Variants in ASB6 observed in about 807,000 individuals in gnomAD.
The protein encoded by ASB6 is ankyrin repeat and SOCS box containing 6.
A neutral mutation model predicts 28.6 loss-of-function variants in ASB6; 24 were observed. The ratio of observed to expected loss-of-function variants is 0.84; its 90% confidence interval spans 0.61 to 1.18. The LOEUF (loss-of-function observed/expected upper bound fraction) is 1.18, where lower values mean the gene tolerates loss of function less well. Ranked by LOEUF, ASB6 falls within the 50% of genes most tolerant of loss-of-function variation. The pLI is 0.00. For synonymous variants in ASB6, 267 were observed against 243.4 expected, an observed-to-expected ratio of 1.10 and a Z score of -0.90; for missense variants, 519 against 559.8, an observed-to-expected ratio of 0.93 and a Z score of 0.74.
In ASB6 at chr9:129,635,941, C is replaced by T. The variant is rs139412944; in HGVS notation, c.*1849G>A. 56 of 162,880 alleles carry T rather than the reference C, an allele frequency of 3.4e-4. 2 individuals are homozygous for T. In the East Asian group the frequency reaches 9.5e-3, roughly 28 times the overall value. 10.1% of individuals were successfully genotyped at this position (162,880 alleles called of 1,614,324 possible). A position where few individuals can be genotyped will look rare whatever the true frequency, so the allele number is the denominator to read the frequency against. ...AGCCCATGGGTGCTGCCTGATGGTG[C>T]TGTGGGGTGGGTGCTCATGTGCCAA... On this transcript the variant is annotated 3_prime_UTR_variant, in exon 6 of 6. Coordinates refer to ENST00000277458, the MANE Select transcript of ASB6 (RefSeq NM_017873.4).
At position 129,639,265 on chromosome 9, in the gene ASB6, G is replaced by C; in HGVS notation, c.448C>G (p.Arg150Gly). The C allele has an allele frequency of 3.1e-6, 5 of 1,612,628 alleles. No individual in the cohort carries two copies. Among genetic ancestry groups the C allele is most frequent in the Non-Finnish European group, 4.2e-6 (5 of 1,179,584 alleles). The change falls in exon 4 of 6, where the codon CGC becomes GGC. Residue 150 changes from arginine to glycine, a missense_variant. Arg to Gly is a moderately radical substitution (Grantham distance 125, BLOSUM62 -2). Coordinates refer to ENST00000277458, the MANE Select transcript of ASB6 (RefSeq NM_017873.4). ...AGGAGGCGCTGCAGGCAGGGCAGGC[G>C]CTCAGGCTCCTCGCTGGCCAGGTCC... is the stretch of plus-strand genomic sequence containing the variant. ...PLDLASEEPE[R>G]LPCLQRLLDL...
rs1588147105 is a variant in ASB6, at chr9:129,635,634, C to G, written c.*2156G>C. 1.2e-6 allele frequency: 1 copy of G among 832,654 alleles called. No homozygotes were observed. The highest frequency in any genetic ancestry group is 1.7e-5 in the South Asian group (1 of 58,690). The allele number at this position is 832,654 out of a possible 1,614,324, so 51.6% of individuals were successfully genotyped here. On this transcript the variant is annotated 3_prime_UTR_variant, in exon 6 of 6. Coordinates refer to ENST00000277458, the MANE Select transcript of ASB6 (RefSeq NM_017873.4). ...CTCTTCTTCAAAAGGCAAGGTGGGACCCGGCGGGGAGGGTGCTGCTGAACC... is the reference window on the plus strand; with the variant it reads ...CTCTTCTTCAAAAGGCAAGGTGGGAGCCGGCGGGGAGGGTGCTGCTGAACC...
In ASB6 at chr9:129,639,468, C is replaced by T. The variant is rs1026364095; in HGVS notation, c.336G>A (p.Leu112=). ...TYYTALHIAV[L]RNQPDMVELL... is the part of the protein sequence containing the mutation. ...GCTCCACCATGTCCGGCTGGTTCCG[C>T]AGGACGGCGATGTGCAAGGCCGTGT... Residue 112 remains leucine, a synonymous_variant, in exon 3 of 6, where the codon CTG becomes CTA. Coordinates refer to ENST00000277458, the MANE Select transcript of ASB6 (RefSeq NM_017873.4). 1.9e-6 allele frequency: 3 copies of T among 1,613,760 alleles called. No homozygotes were observed. Among genetic ancestry groups the T allele is most frequent in the Non-Finnish European group, 2.5e-6 (3 of 1,179,870 alleles).
Position 129,641,935 on chromosome 9 carries a change from A to G in ASB6, c.65T>C (p.Leu22Pro). The change falls in exon 1 of 6, where the codon CTG becomes CCG. Residue 22 changes from leucine to proline, a missense_variant. Physicochemically the swap from Leu to Pro is moderately conservative, Grantham distance 98. Coordinates refer to ENST00000277458, the MANE Select transcript of ASB6 (RefSeq NM_017873.4). ...FEYQPLVDAI[L>P]GSLGIQDPER... ...GGGGTCCTGGATCCCCAGGGAGCCC[A>G]GAATCGCATCCACCAGCGGCTGGTA... is the stretch of plus-strand genomic sequence containing the variant. The G allele has an allele frequency of 6.2e-7, 1 of 1,602,574 alleles. No homozygotes were observed. The highest frequency in any genetic ancestry group is 8.5e-7 in the Non-Finnish European group (1 of 1,175,704).
At position 129,640,584 on chromosome 9, in the gene ASB6, C is replaced by T. The variant is rs1831671790; in HGVS notation, c.252G>A (p.Ala84=). ...CCCCATGCCGCAAGAGAACGTCGGC[C>T]GCCCGCGTCAGCCCCAGCTCAGCCA... is the stretch of plus-strand genomic sequence containing the variant. ...LKMAELGLTR[A]ADVLLRHGAN... is the part of the protein sequence containing the mutation. The change falls in exon 2 of 6, where the codon GCG becomes GCA. Residue 84 remains alanine (A), a synonymous_variant. Coordinates refer to ENST00000277458, the MANE Select transcript of ASB6 (RefSeq NM_017873.4). 6.8e-6 allele frequency: 11 copies of T among 1,612,654 alleles called. No individual in the cohort carries two copies. The highest frequency in any genetic ancestry group is 9.3e-6 in the Non-Finnish European group (11 of 1,179,712).
At chr9:129,638,723 AG>A in intron 4 of ASB6, 64 bp from the exon 5 acceptor site, 1 of 1,320,588 alleles carries the variant, frequency 7.6e-7, no homozygotes. Context: ...GGCAACCCAG[AG>A]GAGGTGGCAG....
chr9:129,640,298 A>C (rs1029950930), intron 2 of ASB6, among the ~76,000 whole-genome samples: 4 of 152,228 alleles, frequency 2.6e-5, no homozygotes, highest in African/African-American at 4.8e-5. Context: ...AAAGTTTGCT[A>C]ATCAATCACA....
At position 129,639,328 on chromosome 9, in the gene ASB6, A is replaced by T. The variant is rs776601015; in HGVS notation, c.403-18T>A. 83 of 1,604,504 alleles carry T rather than the reference A, an allele frequency of 5.2e-5. No individual in the cohort carries two copies. Among genetic ancestry groups the T allele is most frequent in the Non-Finnish European group, 6.8e-5 (80 of 1,172,576 alleles). On this transcript the variant is annotated intron_variant, in intron 3 of 5. Coordinates refer to ENST00000277458, the MANE Select transcript of ASB6 (RefSeq NM_017873.4). Reference sequence around the variant, plus strand: ...TCGTGGATCTGAGCCAAGGAAGCACAGCCAGGTTGGCTTGGGAAGCTGCTC... The same window carrying T: ...TCGTGGATCTGAGCCAAGGAAGCACTGCCAGGTTGGCTTGGGAAGCTGCTC...
In ASB6 at chr9:129,635,515, T is replaced by A; in HGVS notation, c.*2275A>T. 1 of 1,571,082 alleles carries A rather than the reference T, an allele frequency of 6.4e-7. No homozygotes were observed. The highest frequency in any genetic ancestry group is 8.6e-7 in the Non-Finnish European group (1 of 1,157,344). ...GAACCACAGTCCTGGTGGGGGGAGCTGGCAGCTGGGCAAGATCCAGGCGCC... is the reference window on the plus strand; with the variant it reads ...GAACCACAGTCCTGGTGGGGGGAGCAGGCAGCTGGGCAAGATCCAGGCGCC... On this transcript the variant is annotated 3_prime_UTR_variant, in exon 6 of 6. Transcript: ENST00000277458.
chr9:129,639,354 A>G (rs764202828), intron 3 of ASB6, 44 bp from the exon 4 acceptor site: 2 of 1,603,036 alleles, frequency 1.2e-6, no homozygotes, highest in Non-Finnish European at 1.7e-6. Flanking sequence ...GAAGCTGCTC[A>G]GGCCCCTGCC....
rs1831634467 is a variant in ASB6 at position 129,639,280 on chromosome 9, T to C, written c.433A>G (p.Ser145Gly). ...CAGGGCAGGCGCTCAGGCTCCTCGC[T>C]GGCCAGGTCCAAGGGGCTACTCTCG... ...IHESSPLDLASEEPERLPCLQ... is the reference protein window; with the variant it reads ...IHESSPLDLAGEEPERLPCLQ... The change falls in exon 4 of 6, where the codon AGC becomes GGC. Residue 145 changes from serine (S) to glycine (G), a missense_variant. Coordinates refer to ENST00000277458, the MANE Select transcript of ASB6 (RefSeq NM_017873.4). 7 of 1,613,034 alleles carry C rather than the reference T, an allele frequency of 4.3e-6. No individual in the cohort carries two copies. The South Asian group carries it at 6.6e-5, about 15-fold the overall frequency.
chr9:129,635,625 A>G lies in ASB6; in HGVS notation c.*2165T>C. 1 of 908,562 alleles carries G rather than the reference A, an allele frequency of 1.1e-6. No individual in the cohort carries two copies. The highest frequency in any genetic ancestry group is 1.7e-6 in the Non-Finnish European group (1 of 597,576). The allele number at this position is 908,562 out of a possible 1,614,324, so 56.3% of individuals were successfully genotyped here. A position where few individuals can be genotyped will look rare whatever the true frequency, so the allele number is the denominator to read the frequency against. On this transcript the variant is annotated 3_prime_UTR_variant, in exon 6 of 6. Transcript: ENST00000277458. ...TTATGCGGGCTCTTCTTCAAAAGGC[A>G]AGGTGGGACCCGGCGGGGAGGGTGC...
In ASB6 at chr9:129,640,541, C is replaced by T; in HGVS notation, c.295G>A (p.Asp99Asn). 6.2e-7 allele frequency: 1 copy of T among 1,605,504 alleles called. No individual in the cohort carries two copies. Among genetic ancestry groups the T allele is most frequent in the Non-Finnish European group, 8.5e-7 (1 of 1,176,864 alleles). Residue 99 changes from aspartate (D) to asparagine (N), a missense_variant and splice_region_variant, in exon 2 of 6, where the codon GAC (aspartate) becomes AAC (asparagine). Physicochemically the swap from Asp to Asn is conservative, Grantham distance 23. Transcript: ENST00000277458. ...LRHGANLNFE[D>N]PVTYYTALHI... The stretch of plus-strand genomic sequence containing the variant: ...GCCCACCCCCGGGGCTCTCGCTGAC[C>T]TTCAAAGTTGAGATTGGCCCCATGC...
intron 2 of ASB6, 120 bp from the exon 3 acceptor site, chr9:129,639,628 C>T: frequency 3.5e-6 from 3 of 851,396 alleles, no homozygotes; most frequent in Non-Finnish European, 5.5e-6. Flanking sequence ...GCCCAGCCTC[C>T]TGTCACCATC....
rs1052149975 is a variant in ASB6 at position 129,635,549 on chromosome 9, G to A, written c.*2241C>T. 6.7e-5 allele frequency: 99 copies of A among 1,475,672 alleles called. No homozygotes were observed. The highest frequency in any genetic ancestry group is 8.8e-5 in the Non-Finnish European group (96 of 1,091,098). The allele number at this position is 1,475,672 out of a possible 1,614,324, so 91.4% of individuals were successfully genotyped here. On this transcript the variant is annotated 3_prime_UTR_variant, in exon 6 of 6. Coordinates refer to ENST00000277458, the MANE Select transcript of ASB6 (RefSeq NM_017873.4). ...GGCAAGATCCAGGCGCCACGCTGGC[G>A]GTTCGTGAGTGTCGAGGCACCACTA...
intron 1 of ASB6, among the ~76,000 whole-genome samples, chr9:129,641,455 G>C (rs1459986561): frequency 6.6e-6 from 1 of 152,170 alleles, no homozygotes; most frequent in Non-Finnish European, 1.5e-5. Context: ...ATGCAGATTC[G>C]CTCCCGACCC....
rs1204422477 is a variant in ASB6, at chr9:129,640,733, A to G, written c.114-11T>C. 6.2e-7 allele frequency: 1 copy of G among 1,613,730 alleles called. No individual in the cohort carries two copies. The stretch of plus-strand genomic sequence containing the variant: ...GCGACATAACTGGGCCTGGGACAGG[A>G]GAGAGGCTGAGGGTAGGCACAGCTG... On this transcript the variant is annotated splice_polypyrimidine_tract_variant and intron_variant, in intron 1 of 5. Coordinates refer to ENST00000277458, the MANE Select transcript of ASB6 (RefSeq NM_017873.4).
At position 129,637,605 on chromosome 9, in the gene ASB6, A is replaced by T; in HGVS notation, c.*185T>A. ...GGGAAGGGGGCAGTCTCTCTGGAAG[A>T]ACCAGAGCTGCACCCTTCACCACTG... On this transcript the variant is annotated 3_prime_UTR_variant, in exon 6 of 6. Transcript: ENST00000277458. The T allele has an allele frequency of 2.1e-6, 1 of 485,476 alleles. No individual in the cohort carries two copies. The highest frequency in any genetic ancestry group is 3.4e-6 in the Non-Finnish European group (1 of 295,270). 30.1% of individuals were successfully genotyped at this position (485,476 alleles called of 1,614,324 possible). A position where few individuals can be genotyped will look rare whatever the true frequency, so the allele number is the denominator to read the frequency against.
intron 4 of ASB6, 93 bp from the exon 5 acceptor site, chr9:129,638,752 GGATCAGAAGATGAACTTTCAGA>G: frequency 1.0e-6 from 1 of 1,003,874 alleles, no homozygotes; most frequent in African/African-American, 1.6e-5. Context: ...GACACTCAGA[GGATCAGAAGATGAACTTTCAGA>G]GACAACTCTC....
Sources: allele counts gnomAD v4.1 joint callset (sites outside exome capture counted in the v4.1 genomes callset), GRCh38; gene constraint gnomAD v4.1.1; transcripts MANE v1.5; gene names NCBI Gene and HGNC (gene_info 2026-07-23, HGNC 2026-07-21).